Variants in ARHGEF7 observed in about 807,000 individuals in gnomAD.
The protein encoded by ARHGEF7 is Rho guanine nucleotide exchange factor 7, also known as PAK-interacting exchange factor beta.
In ARHGEF7, 33 loss-of-function variants were observed where a neutral mutation model predicts 109.8. The observed-to-expected ratio is 0.30, with a 90% confidence interval of 0.23 to 0.40. ARHGEF7 has a LOEUF of 0.40. ARHGEF7 is among the 10% of genes least tolerant of loss of function. The pLI, the probability that ARHGEF7 is intolerant of heterozygous loss-of-function variation, is 1.00. For synonymous variants in ARHGEF7, 458 were observed against 424.6 expected, an observed-to-expected ratio of 1.08 and a Z score of -0.97; for missense variants, 938 against 1,098.5, an observed-to-expected ratio of 0.85 and a Z score of 2.07.
chr13:111,273,857 C>A lies in ARHGEF7; in HGVS notation c.1117C>A (p.Pro373Thr). ...EFMETKGASS[P>T]GILVLTTGLS... ...CATGGAGACCAAAGGTGCCAGCAGC[C>A]CTGGGATTCTCGTGCTGACCACGGG... Residue 373 changes from proline (P) to threonine (T), a missense_variant, in exon 10 of 22, where the codon CCT (proline) becomes ACT (threonine). Physicochemically the swap from Pro to Thr is conservative, Grantham distance 38. Around this residue, in one of 4 missense-constraint regions of ARHGEF7, gnomAD observed 585 missense variants for 723.6 expected, o/e 0.81. Coordinates refer to ENST00000646102, the MANE Select transcript of ARHGEF7 (RefSeq NM_001354046.2). This position sits in a 1 kb window ranked among gnomAD's most constrained non-coding sequence, Gnocchi z 4.5. 6.2e-7 allele frequency: 1 copy of A among 1,614,124 alleles called. No homozygotes were observed.
chr13:111,150,980 A>G (rs907768090), intron 1 of ARHGEF7, among the ~76,000 whole-genome samples: 1 of 152,202 alleles, frequency 6.6e-6, no homozygotes, highest in African/African-American at 2.4e-5. Context: ...GATACCAGCC[A>G]TGCTTTTCTG....
In ARHGEF7 at chr13:111,217,854, A is replaced by G; in HGVS notation, c.644A>G (p.Asn215Ser). ...GGCCGGACCGGCTGGTTCCCCAGCA[A>G]CTACGTGCGCGAGGTCAAGGCCAGC... ...LNGRTGWFPS[N>S]YVREVKASEK... is the part of the protein sequence containing the mutation. Residue 215 changes from asparagine (N) to serine (S), a missense_variant, in exon 5 of 22, where the codon AAC becomes AGC. By Grantham distance (46) the Asn-to-Ser change is conservative. This residue lies in a region of ARHGEF7 where 585 missense variants were observed against 723.6 expected (regional missense o/e 0.81). Transcript: ENST00000646102. 1 of 1,613,578 alleles carries G rather than the reference A, an allele frequency of 6.2e-7. No homozygotes were observed.
intron 12 of ARHGEF7, among the ~76,000 whole-genome samples, chr13:111,277,149 A>G (rs72653555): frequency 0.012 from 1,765 of 152,222 alleles, 21 homozygotes; most frequent in Middle Eastern, 0.034. Context: ...GTTCCCCCTG[A>G]CCCCATTAAA....
intron 2 of ARHGEF7, among the ~76,000 whole-genome samples, chr13:111,160,899 T>G (rs2153393038): frequency 6.6e-6 from 1 of 152,196 alleles, no homozygotes; most frequent in Non-Finnish European, 1.5e-5. Context: ...TGTGAGTCAT[T>G]TAAACCTCTT....
At chr13:111,211,072 T>C (rs1222687397) in intron 4 of ARHGEF7, among the ~76,000 whole-genome samples, 1 of 152,218 alleles carries the variant, frequency 6.6e-6, no homozygotes, top group Admixed American at 6.5e-5. Flanking sequence ...TTGCTGTGTC[T>C]CCTCTTAGAG....
At chr13:111,229,569 T>C (rs1168493069) in intron 5 of ARHGEF7, among the ~76,000 whole-genome samples, 1 of 152,220 alleles carries the variant, frequency 6.6e-6, no homozygotes, top group Non-Finnish European at 1.5e-5. Context: ...ATTTTCCTCT[T>C]ATTTCTACTT....
In ARHGEF7 at chr13:111,189,614, C is replaced by T. The variant is rs551450839; in HGVS notation, c.253-15675C>T. On this transcript the variant is annotated intron_variant, in intron 2 of 21. Coordinates refer to ENST00000646102, the MANE Select transcript of ARHGEF7 (RefSeq NM_001354046.2). ...GAGCGAAAGAACAAAGCTTCCACAG[C>T]GTGGAAGGGGACCCAAGTGGGTTGC... Among the ~76,000 whole-genome samples the T allele has an allele frequency of 6.4e-4, 97 of 152,290 alleles. No homozygotes were observed. In the East Asian group the frequency reaches 9.1e-3, roughly 14 times the overall value.
At chr13:111,247,780 G>A (rs746830705) in intron 8 of ARHGEF7, among the ~76,000 whole-genome samples, 19 of 152,126 alleles carry the variant, frequency 1.2e-4, no homozygotes, top group Admixed American at 4.6e-4. Context: ...GTTAATGGCT[G>A]TGTTTGTACT....
At chr13:111,284,918 A>G (rs965391383) in intron 16 of ARHGEF7, among the ~76,000 whole-genome samples, 1 of 152,228 alleles carries the variant, frequency 6.6e-6, no homozygotes, top group African/African-American at 2.4e-5. Flanking sequence ...CTCCATCTCA[A>G]TTTGCTTCGA....
intron 4 of ARHGEF7, among the ~76,000 whole-genome samples, chr13:111,211,828 A>G (rs1008734765): frequency 2.6e-5 from 4 of 152,146 alleles, no homozygotes; most frequent in African/African-American, 9.7e-5. Context: ...GCCACCTGTC[A>G]CTCTCTCCTT....
intron 2 of ARHGEF7, among the ~76,000 whole-genome samples, chr13:111,175,146 TTTCGTAATAG>T (rs1209235602): frequency 6.6e-6 from 1 of 152,204 alleles, no homozygotes; most frequent in Non-Finnish European, 1.5e-5. Flanking sequence ...GCTTATTTCT[TTTCGTAATAG>T]TTCACTGAAA....
rs1450295923 is a variant in ARHGEF7 at position 111,284,149 on chromosome 13, G to A, written c.1950+786G>A. Among the ~76,000 whole-genome samples, 6 of 152,204 alleles carry A rather than the reference G, an allele frequency of 3.9e-5. 1 individual carries two copies. Among genetic ancestry groups the A allele is most frequent in the South Asian group, 2.1e-4 (1 of 4,814 alleles). On this transcript the variant is annotated intron_variant, in intron 16 of 21. Transcript: ENST00000646102. ...GAGTGGCGGTGAGAGTGTGGGTATC[G>A]TGCGCGTCAGTGTGAGCAGCAGTGC...
chr13:111,130,114 G>C (rs1219525166), intron 1 of ARHGEF7, among the ~76,000 whole-genome samples: 1 of 152,196 alleles, frequency 6.6e-6, no homozygotes, highest in East Asian at 1.9e-4. Context: ...AGACAAGAAA[G>C]TACTTAATGT....
At chr13:111,180,512 C>T (rs1486924794) in intron 2 of ARHGEF7, among the ~76,000 whole-genome samples, 1 of 152,204 alleles carries the variant, frequency 6.6e-6, no homozygotes, top group Non-Finnish European at 1.5e-5. Flanking sequence ...TTAGTAGTAA[C>T]AGCTGCTGCT....
chr13:111,293,617 A>G (rs2093354858), intron 19 of ARHGEF7: 1 of 985,366 alleles, frequency 1.0e-6, no homozygotes, highest in African/African-American at 1.7e-5. Flanking sequence ...TGTCCCATGC[A>G]CGCTCTATTT....
chr13:111,286,453 G>A (rs2093022816), intron 17 of ARHGEF7, among the ~76,000 whole-genome samples: 1 of 152,168 alleles, frequency 6.6e-6, no homozygotes, highest in Non-Finnish European at 1.5e-5. Flanking sequence ...CTCCGTGCCA[G>A]TCCCGGCACC....
chr13:111,283,253 A>T lies in ARHGEF7; in HGVS notation c.1840A>T (p.Thr614Ser). The change falls in exon 16 of 22, where the codon ACC becomes TCC. Residue 614 changes from threonine (T) to serine (S), a missense_variant. This residue lies in a region of ARHGEF7 where 585 missense variants were observed against 723.6 expected (regional missense o/e 0.81). Transcript: ENST00000646102. ...CTCCCACCACGGCACCCCGCACACC[A>T]CCATCAACTGGGGACCCCTGGAGCC... ...HPSHHGTPHT[T>S]INWGPLEPPK... is the part of the protein sequence containing the mutation. 1.3e-6 allele frequency: 2 copies of T among 1,584,548 alleles called. No homozygotes were observed. Among genetic ancestry groups the T allele is most frequent in the Non-Finnish European group, 1.7e-6 (2 of 1,168,476 alleles).
At chr13:111,221,500 T>TCTAGATATATAGAC (rs1257404239) in intron 5 of ARHGEF7, among the ~76,000 whole-genome samples, 1 of 81,828 alleles carries the variant, frequency 1.2e-5, no homozygotes, top group Non-Finnish European at 2.4e-5. Flanking sequence ...GACATATATA[T>TCTAGATATATAGAC]ATCTATATAT....
intron 1 of ARHGEF7, among the ~76,000 whole-genome samples, chr13:111,118,813 A>C (rs762904565): frequency 6.6e-6 from 1 of 152,210 alleles, no homozygotes; most frequent in Non-Finnish European, 1.5e-5. Flanking sequence ...CTCTTAACTC[A>C]CTATAAAAAA....
Sources: gnomAD v4.1 joint callset for allele counts (sites outside exome capture counted in the v4.1 genomes callset) on GRCh38, gnomAD v4.1.1 for gene constraint, gnomAD v4.1.1 regional missense constraint, Gnocchi (gnomAD v3.1) non-coding constraint, MANE v1.5 for transcripts, NCBI Gene and HGNC (gene_info 2026-07-23, HGNC 2026-07-21) for gene names.